PDE10A: variants seen among roughly 807,000 people sequenced by gnomAD.
The protein encoded by PDE10A is cAMP and cAMP-inhibited cGMP 3',5'-cyclic phosphodiesterase 10A.
Under a neutral mutation model 97.7 loss-of-function variants are expected in PDE10A, and 39 were observed. That is an observed-to-expected ratio of 0.40 (90% CI 0.31 to 0.52). The LOEUF is 0.52. Ranked by LOEUF, PDE10A falls within the 20% of genes least tolerant of loss-of-function variation. The pLI is 0.56. For missense variants in PDE10A, 731 were observed against 1,047.8 expected, an observed-to-expected ratio of 0.70 and a Z score of 4.17; for synonymous variants, 371 against 376.8, an observed-to-expected ratio of 0.98 and a Z score of 0.18.
At chr6:165,586,695 G>C (rs1785933894) in intron 1 of PDE10A, among the ~76,000 whole-genome samples, 1 of 152,068 alleles carries the variant, frequency 6.6e-6, no homozygotes, top group African/African-American at 2.4e-5. Flanking sequence ...GTAACGTCTA[G>C]AAGCCACCAA....
intron 7 of PDE10A, 21 bp from the exon 8 acceptor site, chr6:165,431,493 A>T (rs1789553252): frequency 6.8e-7 from 1 of 1,474,224 alleles, no homozygotes; most frequent in Admixed American, 1.7e-5. Context: ...CAAGAAATAC[A>T]TACCTATAAG....
intron 19 of PDE10A, among the ~76,000 whole-genome samples, chr6:165,341,949 A>G (rs1423062738): frequency 1.3e-5 from 2 of 152,240 alleles, no homozygotes; most frequent in Non-Finnish European, 2.9e-5. Context: ...TCACCGTAAC[A>G]GCAAAAGAAG....
chr6:165,735,459 T>C (rs2128452118), intron 1 of PDE10A, among the ~76,000 whole-genome samples: 1 of 152,018 alleles, frequency 6.6e-6, no homozygotes, highest in South Asian at 2.1e-4. Context: ...GGTAGATAGG[T>C]AGGTGGGTAG....
chr6:165,794,188 A>T (rs1778751213), intron 1 of PDE10A, among the ~76,000 whole-genome samples: 1 of 150,502 alleles, frequency 6.6e-6, no homozygotes, highest in Non-Finnish European at 1.5e-5. Flanking sequence ...TCCCACACTC[A>T]CGCACTCACG....
In PDE10A at chr6:165,648,994, C is replaced by T. The variant is rs148654809; in HGVS notation, c.865+12953G>A. On this transcript the variant is annotated intron_variant, in intron 1 of 21. Transcript: ENST00000539869. ...CACTCCCAGAAAAAGAGAGCAATCG[C>T]CACCAGGGTTTTCCCCAGAACAGTC... Among the ~76,000 whole-genome samples the T allele has an allele frequency of 5.5e-4, 84 of 152,278 alleles. 1 individual carries two copies. Among genetic ancestry groups the T allele is most frequent in the African/African-American group, 1.9e-3 (77 of 41,564 alleles).
chr6:165,749,772 A>G (rs1792954615), intron 1 of PDE10A, among the ~76,000 whole-genome samples: 1 of 152,224 alleles, frequency 6.6e-6, no homozygotes, highest in Non-Finnish European at 1.5e-5. Flanking sequence ...ATCATTTCTG[A>G]TACTAAATAG....
intron 1 of PDE10A, among the ~76,000 whole-genome samples, chr6:165,879,092 A>G (rs1362023725): frequency 6.6e-6 from 1 of 152,206 alleles, no homozygotes; most frequent in Non-Finnish European, 1.5e-5. Flanking sequence ...TGGGGGTGCA[A>G]CTGACCTGGA....
chr6:165,501,504 T>C (rs945307545), intron 2 of PDE10A, among the ~76,000 whole-genome samples: 3 of 148,274 alleles, frequency 2.0e-5, no homozygotes, highest in African/African-American at 7.5e-5. Context: ...ACCCAGGAGG[T>C]GGAGCTTGCA....
intron 18 of PDE10A, among the ~76,000 whole-genome samples, chr6:165,369,981 G>C (rs1313070512): frequency 7.3e-6 from 1 of 137,238 alleles, no homozygotes; most frequent in Non-Finnish European, 1.5e-5. Flanking sequence ...GCCAAACTAA[G>C]CTTCAAAAGT....
At chr6:165,795,929 G>T (rs1778814826) in intron 1 of PDE10A, among the ~76,000 whole-genome samples, 2 of 152,030 alleles carry the variant, frequency 1.3e-5, no homozygotes, top group South Asian at 4.2e-4. Flanking sequence ...CTGTTCTGTG[G>T]ATTAGAACTG....
intron 2 of PDE10A, among the ~76,000 whole-genome samples, chr6:165,484,599 C>T (rs1160353191): frequency 1.3e-5 from 2 of 152,144 alleles, no homozygotes; most frequent in Non-Finnish European, 2.9e-5. Flanking sequence ...TACAGATTAA[C>T]ATTAGCAGAG....
At chr6:165,370,813 G>C (rs948656346) in intron 18 of PDE10A, among the ~76,000 whole-genome samples, 25 of 149,840 alleles carry the variant, frequency 1.7e-4, no homozygotes, top group African/African-American at 5.9e-4. Context: ...TTCCAAAATT[G>C]ACCACATACT....
intron 1 of PDE10A, among the ~76,000 whole-genome samples, chr6:165,652,856 A>C (rs1046973598): frequency 1.1e-4 from 16 of 152,286 alleles, no homozygotes; most frequent in African/African-American, 3.9e-4. Flanking sequence ...CAAAGTAAAA[A>C]GCTTTTTATC....
intron 1 of PDE10A, among the ~76,000 whole-genome samples, chr6:165,639,171 T>C (rs1789014057): frequency 6.6e-6 from 1 of 152,024 alleles, no homozygotes; most frequent in African/African-American, 2.4e-5. Context: ...TTTTACAGAT[T>C]AGGGAGACAT....
At chr6:165,648,534 C>G (rs1444873529) in intron 1 of PDE10A, among the ~76,000 whole-genome samples, 1 of 152,204 alleles carries the variant, frequency 6.6e-6, no homozygotes. Context: ...ACCCCCAAAC[C>G]TACTACTGAA....
chr6:165,559,448 A>C (rs571348732), intron 1 of PDE10A, among the ~76,000 whole-genome samples: 3 of 152,346 alleles, frequency 2.0e-5, no homozygotes, highest in African/African-American at 7.2e-5. Context: ...TTATTGGTTT[A>C]AATCATAAAA....
chr6:165,586,839 A>G lies in PDE10A; in HGVS notation c.866-43271T>C, dbSNP rs139968548. Among the ~76,000 whole-genome samples, 107 of 152,304 alleles carry G rather than the reference A, an allele frequency of 7.0e-4. No individual in the cohort carries two copies. In the South Asian group the frequency reaches 0.011, roughly 15 times the overall value. On this transcript the variant is annotated intron_variant, in intron 1 of 21. Coordinates refer to ENST00000539869, the MANE Select transcript of PDE10A (RefSeq NM_001385079.1). ...CATCTAGAACTCGGTAATGTTATCTACAGCAGTCTTTCTTATATAACTCTT... is the reference window on the plus strand; with the variant it reads ...CATCTAGAACTCGGTAATGTTATCTGCAGCAGTCTTTCTTATATAACTCTT...
chr6:165,416,091 A>T lies in PDE10A; in HGVS notation c.1889+98T>A, dbSNP rs76982103. Reference sequence around the variant, plus strand: ...AGAAAACTAAGGAAGAAAGAACTGAATTGGGACGTGGAGAACTCAGGCTCC... The same window carrying T: ...AGAAAACTAAGGAAGAAAGAACTGATTTGGGACGTGGAGAACTCAGGCTCC... On this transcript the variant is annotated intron_variant, in intron 12 of 21. Transcript: ENST00000539869. 2.1e-3 allele frequency: 1,668 copies of T among 779,212 alleles called. 25 individuals are homozygous for T. In the African/African-American group the frequency reaches 0.026, roughly 12 times the overall value. 48.3% of individuals were successfully genotyped at this position (779,212 alleles called of 1,614,324 possible). A position where few individuals can be genotyped will look rare whatever the true frequency, so the allele number is the denominator to read the frequency against.
Position 165,543,947 on chromosome 6 carries a change from A to G in PDE10A, c.866-379T>C, listed in dbSNP as rs566955584. On this transcript the variant is annotated intron_variant, in intron 1 of 21. Transcript: ENST00000539869. ...TTAGCAATTTTAAACTACAGATATT[A>G]CATCATGTTACATAGCTGTTTCTAG... Among the ~76,000 whole-genome samples, 66 of 152,300 alleles carry G rather than the reference A, an allele frequency of 4.3e-4. 1 individual carries two copies. The South Asian group carries it at 0.012, about 28-fold the overall frequency.
Sources: gnomAD v4.1 joint callset for allele counts (sites outside exome capture counted in the v4.1 genomes callset) on GRCh38, gnomAD v4.1.1 for gene constraint, MANE v1.5 for transcripts, NCBI Gene and HGNC (gene_info 2026-07-23, HGNC 2026-07-21) for gene names.